The following OR51B5 variants were observed in gnomAD, a reference collection of about 807,000 sequenced individuals.
The protein encoded by OR51B5 is olfactory receptor 51B5.
For missense variants in OR51B5, 456 were observed against 374.6 expected (o/e 1.22, Z -1.79); for synonymous variants, 186 against 144.8 (o/e 1.28, Z -2.04).
chr11:5,493,896 TA>T (rs1490633741), intron 1 of OR51B5, among the ~76,000 whole-genome samples: 3 of 152,324 alleles, frequency 2.0e-5, no homozygotes, highest in Admixed American at 6.5e-5. Context: ...CCTCTGCAAT[TA>T]CCTTGTTTAT....
At chr11:5,394,272 C>T (rs1214768142) in intron 1 of OR51B5, among the ~76,000 whole-genome samples, 1 of 152,042 alleles carries the variant, frequency 6.6e-6, no homozygotes, top group Non-Finnish European at 1.5e-5. Flanking sequence ...ACCCATTTTA[C>T]AGATAAGTAC....
chr11:5,422,302 C>A, intron 1 of OR51B5: 1 of 1,614,122 alleles, frequency 6.2e-7, no homozygotes. Flanking sequence ...TCCCCGTCTG[C>A]TGTCTCTACA....
chr11:5,449,813 A>C (rs919099072), intron 1 of OR51B5, among the ~76,000 whole-genome samples: 3 of 152,212 alleles, frequency 2.0e-5, no homozygotes, highest in African/African-American at 7.2e-5. Flanking sequence ...GAATTCAGTG[A>C]TAACAAAATA....
chr11:5,453,755 C>T (rs1355504177), intron 1 of OR51B5: 1 of 1,614,062 alleles, frequency 6.2e-7, no homozygotes, highest in African/African-American at 1.3e-5. Flanking sequence ...GCCTCAATGC[C>T]CGCAACATCA....
intron 1 of OR51B5, among the ~76,000 whole-genome samples, chr11:5,476,529 C>G (rs1159458165): frequency 6.6e-6 from 1 of 152,180 alleles, no homozygotes; most frequent in Non-Finnish European, 1.5e-5. Context: ...GAATGAGCCT[C>G]CTTTGTGACT....
chr11:5,462,906 C>T (rs1498481), intron 1 of OR51B5, among the ~76,000 whole-genome samples: 90,174 of 152,074 alleles, frequency 0.59, 27,799 homozygotes, highest in Non-Finnish European at 0.67. Context: ...TCATCAGTTA[C>T]TTTGTGAATT....
intron 1 of OR51B5, among the ~76,000 whole-genome samples, chr11:5,476,282 T>C (rs1158807777): frequency 6.6e-6 from 1 of 152,220 alleles, no homozygotes; most frequent in Non-Finnish European, 1.5e-5. Context: ...ATGAAACAGA[T>C]TCATATTTTG....
intron 1 of OR51B5, among the ~76,000 whole-genome samples, chr11:5,497,932 G>A (rs927707897): frequency 9.2e-5 from 14 of 152,258 alleles, no homozygotes; most frequent in Non-Finnish European, 5.9e-5. Flanking sequence ...CATTTGACAC[G>A]TTTATTAATG....
At chr11:5,353,100 C>T (rs4243959) in intron 1 of OR51B5, among the ~76,000 whole-genome samples, 40,168 of 151,510 alleles carry the variant, frequency 0.27, 5,579 homozygotes, top group African/African-American at 0.31. Flanking sequence ...GAAAATTGCA[C>T]GTGAAGAAAT....
intron 1 of OR51B5, among the ~76,000 whole-genome samples, chr11:5,494,016 C>T (rs2647616): frequency 0.13 from 19,225 of 152,178 alleles, 1,381 homozygotes; most frequent in East Asian, 0.21. Context: ...GAAAGAACTT[C>T]CCAGCCAGCG....
rs1849052837 is a variant in OR51B5 at position 5,350,017 on chromosome 11, A to G, written n.85-3107T>C. On this transcript the variant is annotated intron_variant and non_coding_transcript_variant, in intron 1 of 4. Coordinates refer to the OR51B5 transcript ENST00000415970. ...TTATATCTGTTCCCAAGGCTTCCAC[A>G]GAAAAAAAGGAAATCATTTGACACA... Among the ~76,000 whole-genome samples the G allele has an allele frequency of 2.6e-5, 4 of 152,214 alleles. No homozygotes were observed. The South Asian group carries it at 8.3e-4, about 32-fold the overall frequency.
chr11:5,341,520 T>A (rs540951719), downstream of OR51B5, among the ~76,000 whole-genome samples: 1 of 152,332 alleles, frequency 6.6e-6, no homozygotes, highest in Middle Eastern at 3.4e-3. Flanking sequence ...GATTAAAGTA[T>A]AATTAAGACA....
chr11:5,432,530 A>G (rs1391863255), intron 1 of OR51B5, among the ~76,000 whole-genome samples: 1 of 152,216 alleles, frequency 6.6e-6, no homozygotes, highest in Admixed American at 6.5e-5. Flanking sequence ...AATGTCACAT[A>G]TTCAGTATTT....
At chr11:5,432,361 T>G (rs1850546031) in intron 1 of OR51B5, among the ~76,000 whole-genome samples, 1 of 151,732 alleles carries the variant, frequency 6.6e-6, no homozygotes, top group South Asian at 2.1e-4. Context: ...TGAGCCAAAA[T>G]CCATACTCAG....
chr11:5,374,424 C>T (rs573470492), intron 1 of OR51B5, among the ~76,000 whole-genome samples: 2 of 152,280 alleles, frequency 1.3e-5, no homozygotes, highest in African/African-American at 4.8e-5. Context: ...AAGCAGAGCA[C>T]CTTTCCTCCT....
At chr11:5,402,781 T>A (rs1224717709) in intron 1 of OR51B5, 1 of 471,582 alleles carries the variant, frequency 2.1e-6, no homozygotes, top group Non-Finnish European at 4.4e-6. Flanking sequence ...CATCAACCCA[T>A]GTACCTCTTC....
intron 1 of OR51B5, among the ~76,000 whole-genome samples, chr11:5,382,788 T>A (rs1027292968): frequency 6.6e-5 from 10 of 152,162 alleles, no homozygotes; most frequent in Non-Finnish European, 1.0e-4. Flanking sequence ...ACTTACCCGG[T>A]GTAAGGTGGT....
intron 1 of OR51B5, among the ~76,000 whole-genome samples, chr11:5,384,544 A>T (rs541062505): frequency 6.6e-6 from 1 of 152,300 alleles, no homozygotes; most frequent in African/African-American, 2.4e-5. Context: ...CACTCCCCTG[A>T]TGAGTGCCTG....
At chr11:5,359,930 T>A (rs1849255129) in intron 1 of OR51B5, among the ~76,000 whole-genome samples, 1 of 152,214 alleles carries the variant, frequency 6.6e-6, no homozygotes, top group Non-Finnish European at 1.5e-5. Context: ...CTGGGAAAAC[T>A]GGCTAACCAT....
Sources: allele counts gnomAD v4.1 joint callset (sites outside exome capture counted in the v4.1 genomes callset), GRCh38; gene constraint gnomAD v4.1.1; transcripts MANE v1.5; gene names NCBI Gene and HGNC (gene_info 2026-07-23, HGNC 2026-07-21).